LAMC2: variants seen among roughly 807,000 people sequenced by gnomAD.
LAMC2 encodes the protein laminin subunit gamma 2.
Under a neutral mutation model 140.2 loss-of-function variants are expected in LAMC2, and 97 were observed. The ratio of observed to expected loss-of-function variants is 0.69; its 90% confidence interval spans 0.59 to 0.82. The LOEUF (loss-of-function observed/expected upper bound fraction) is 0.82, where lower values mean the gene tolerates loss of function less well. Among genes scored for constraint, LAMC2 ranks in the 40% least tolerant of loss-of-function variants. The probability of loss-of-function intolerance (pLI) is 0.00; values close to 1 mark genes in which losing one functional copy is unlikely to be tolerated. For synonymous variants in LAMC2, 513 were observed against 540.2 expected (o/e 0.95, Z 0.70); for missense variants, 1,402 against 1,476.1 (o/e 0.95, Z 0.82).
chr1:183,245,392 T>C (rs1660220746), downstream of LAMC2, among the ~76,000 whole-genome samples: 1 of 152,232 alleles, frequency 6.6e-6, no homozygotes, highest in African/African-American at 2.4e-5. Context: ...AATCCTGTCT[T>C]GGCATACCCA....
At chr1:183,199,628 C>G (rs1415839659) in intron 1 of LAMC2, among the ~76,000 whole-genome samples, 1 of 152,128 alleles carries the variant, frequency 6.6e-6, no homozygotes, top group Admixed American at 6.5e-5. Flanking sequence ...AGAAGTAAGT[C>G]ATAGACATAA....
At chr1:183,221,697 C>T (rs1328594366) in intron 5 of LAMC2, among the ~76,000 whole-genome samples, 1 of 151,340 alleles carries the variant, frequency 6.6e-6, no homozygotes, top group African/African-American at 2.4e-5. Flanking sequence ...CCACTGCACT[C>T]CAGCCTGGGT....
rs1659710639 is a variant in LAMC2 at position 183,228,687 on chromosome 1, AAGC to A, written c.1714+71_1714+73del. 7.5e-6 allele frequency: 12 copies of A among 1,591,674 alleles called. No homozygotes were observed. Among genetic ancestry groups the A allele is most frequent in the Non-Finnish European group, 7.7e-6 (9 of 1,165,764 alleles). On this transcript the variant is annotated intron_variant, in intron 11 of 22. Coordinates refer to ENST00000264144, the MANE Select transcript of LAMC2 (RefSeq NM_005562.3). The surrounding 1 kb of genome is among the most constrained non-coding windows in gnomAD (Gnocchi z 4.3). ...GTACGTATGCACTTGCTTGCCATCTAAGCAGGGACAATGGCAGTTCATATCATG... is the reference window on the plus strand; with the variant it reads ...GTACGTATGCACTTGCTTGCCATCTAAGGGACAATGGCAGTTCATATCATG...
rs201956884 is a variant in LAMC2 at position 183,240,056 on chromosome 1, A to C, written c.3086A>C (p.Asn1029Thr). The stretch of plus-strand genomic sequence containing the variant: ...TTCTCTCAGGAGATTGGGAGTCTGA[A>C]CTTGGAAGCCAATGTGACAGCAGAT... ...SEIEQEIGSL[N>T]LEANVTADGA... Residue 1029 changes from asparagine (N) to threonine (T), a missense_variant, in exon 21 of 23, where the codon AAC becomes ACC. Asn to Thr is a moderately conservative substitution (Grantham distance 65). Coordinates refer to ENST00000264144, the MANE Select transcript of LAMC2 (RefSeq NM_005562.3). The C allele has an allele frequency of 3.1e-6, 5 of 1,614,126 alleles. No individual in the cohort carries two copies. The highest frequency in any genetic ancestry group is 4.2e-6 in the Non-Finnish European group (5 of 1,180,014).
At chr1:183,245,995 C>T (rs894125383), downstream of LAMC2, among the ~76,000 whole-genome samples, 1 of 152,050 alleles carries the variant, frequency 6.6e-6, no homozygotes, top group Admixed American at 6.6e-5. Flanking sequence ...TGGTGAAACC[C>T]CGTCTCTACT....
downstream of LAMC2, among the ~76,000 whole-genome samples, chr1:183,247,365 A>AT (rs1022261804): frequency 6.6e-6 from 1 of 152,144 alleles, no homozygotes; most frequent in African/African-American, 2.4e-5. Flanking sequence ...AGATTTCATC[A>AT]TTATGTACTC....
intron 1 of LAMC2, among the ~76,000 whole-genome samples, chr1:183,195,310 T>C (rs536834905): frequency 6.6e-6 from 1 of 152,250 alleles, no homozygotes; most frequent in Non-Finnish European, 1.5e-5. Flanking sequence ...TGTGATATAA[T>C]GTACTATGAA....
chr1:183,229,060 C>T (rs1409601672), intron 11 of LAMC2, among the ~76,000 whole-genome samples: 1 of 152,190 alleles, frequency 6.6e-6, no homozygotes, highest in Admixed American at 6.5e-5. Context: ...AGGAAGTCAG[C>T]GTAATTGATG....
chr1:183,251,780 A>T, the LAMC2 span: 2 of 154,798 alleles, frequency 1.3e-5, no homozygotes, highest in Non-Finnish European at 2.9e-5. Context: ...GATTCAAATT[A>T]TTCTGAGAAA....
intron 2 of LAMC2, among the ~76,000 whole-genome samples, chr1:183,209,424 T>C (rs901185476): frequency 2.6e-5 from 4 of 152,164 alleles, no homozygotes; most frequent in Non-Finnish European, 5.9e-5. Context: ...TGTGGTGAGA[T>C]AGGCCCATAT....
chr1:183,242,429 A>C (rs1326730246), intron 22 of LAMC2, among the ~76,000 whole-genome samples: 1 of 152,226 alleles, frequency 6.6e-6, no homozygotes, highest in East Asian at 1.9e-4. Context: ...CTTGAGTTCG[A>C]ATTGACCAAG....
chr1:183,240,360 C>T lies in LAMC2; in HGVS notation c.3297C>T (p.Leu1099=). Residue 1099 remains leucine (L), a synonymous_variant, in exon 22 of 23, where the codon CTC becomes CTT. Transcript: ENST00000264144. ...CTGGGGTTACAATCCAAGACACACTCAACACATTAGACGGCCTCCTGCATC... is the reference window on the plus strand; with the variant it reads ...CTGGGGTTACAATCCAAGACACACTTAACACATTAGACGGCCTCCTGCATC... The part of the protein sequence containing the change: ...KNAGVTIQDT[L]NTLDGLLHLM... The T allele has an allele frequency of 1.2e-6, 2 of 1,614,222 alleles. No homozygotes were observed. Among genetic ancestry groups the T allele is most frequent in the Non-Finnish European group, 8.5e-7 (1 of 1,180,024 alleles).
chr1:183,226,321 A>G (rs1393513930), intron 8 of LAMC2, among the ~76,000 whole-genome samples: 2 of 152,126 alleles, frequency 1.3e-5, no homozygotes, highest in African/African-American at 4.8e-5. Context: ...GTAACAATGT[A>G]TTGACTCTTA....
chr1:183,203,869 C>T (rs1235266368), intron 1 of LAMC2, among the ~76,000 whole-genome samples: 4 of 152,072 alleles, frequency 2.6e-5, no homozygotes, highest in African/African-American at 9.7e-5. Context: ...AAGGGAGACC[C>T]ATTTGAAAGG....
intron 1 of LAMC2, among the ~76,000 whole-genome samples, chr1:183,191,330 G>C (rs1057144320): frequency 6.6e-6 from 1 of 152,080 alleles, no homozygotes; most frequent in East Asian, 1.9e-4. Flanking sequence ...TTCTAAACTG[G>C]GGGCAGCCAC....
At chr1:183,199,962 G>A (rs1185958070) in intron 1 of LAMC2, among the ~76,000 whole-genome samples, 1 of 152,214 alleles carries the variant, frequency 6.6e-6, no homozygotes, top group Non-Finnish European at 1.5e-5. Flanking sequence ...CATCTGCTGA[G>A]TTTTGAAAGA....
rs141522697 is a variant in LAMC2 at position 183,227,582 on chromosome 1, C to T, written c.1353C>T (p.Asn451=). 1.0e-4 allele frequency: 164 copies of T among 1,614,082 alleles called. No individual in the cohort carries two copies. Among genetic ancestry groups the T allele is most frequent in the South Asian group, 4.0e-4 (36 of 91,068 alleles). The change falls in exon 10 of 23, where the codon AAC becomes AAT. Residue 451 remains asparagine, a synonymous_variant. Transcript: ENST00000264144. ...ECADCPIGFY[N]DPHDPRSCKP... Reference sequence around the variant, plus strand: ...CTGACTGCCCAATTGGTTTCTACAACGATCCGCACGACCCCCGCAGCTGCA... The same window carrying T: ...CTGACTGCCCAATTGGTTTCTACAATGATCCGCACGACCCCCGCAGCTGCA...
At chr1:183,211,003 G>C (rs1659051086) in intron 2 of LAMC2, among the ~76,000 whole-genome samples, 1 of 152,202 alleles carries the variant, frequency 6.6e-6, no homozygotes, top group Non-Finnish European at 1.5e-5. Context: ...AGGGAAATCT[G>C]TTGTATATTC....
intron 19 of LAMC2, among the ~76,000 whole-genome samples, chr1:183,238,805 G>A (rs1284742924): frequency 6.6e-6 from 1 of 152,134 alleles, no homozygotes; most frequent in Non-Finnish European, 1.5e-5. Flanking sequence ...TCCTTTTCCT[G>A]TGTAGTCTGG....
Sources: gnomAD v4.1 joint callset for allele counts (sites outside exome capture counted in the v4.1 genomes callset) on GRCh38, gnomAD v4.1.1 for gene constraint, Gnocchi (gnomAD v3.1) non-coding constraint, MANE v1.5 for transcripts, NCBI Gene and HGNC (gene_info 2026-07-23, HGNC 2026-07-21) for gene names.